DNAH3: variants seen among roughly 807,000 people sequenced by gnomAD.
DNAH3 encodes the protein axonemal beta dynein heavy chain 3.
DNAH3 carries 332 observed loss-of-function variants against 432.5 expected under a neutral mutation model. That is an observed-to-expected ratio of 0.77 (90% confidence interval 0.70 to 0.84). The LOEUF is 0.84. Among genes scored for constraint, DNAH3 ranks in the 40% least tolerant of loss-of-function variants. The pLI, the probability that DNAH3 is intolerant of heterozygous loss-of-function variation, is 0.00. For missense variants in DNAH3, 4,861 were observed against 5,114.0 expected (o/e 0.95, Z 1.51); for synonymous variants, 1,956 against 1,900.2 (o/e 1.03, Z -0.76).
chr16:20,946,773 C>T (rs367820734), intron 57 of DNAH3, among the ~76,000 whole-genome samples: 1 of 151,548 alleles, frequency 6.6e-6, no homozygotes, highest in East Asian at 1.9e-4. Flanking sequence ...TTTTACCTGC[C>T]CCCAAGCAAG....
At chr16:21,085,527 C>CAAA (rs34136946) in intron 19 of DNAH3, among the ~76,000 whole-genome samples, 12 of 81,300 alleles carry the variant, frequency 1.5e-4, no homozygotes, top group African/African-American at 1.9e-4. Context: ...GATTCCACCT[C>CAAA]AAAAAAAAAA....
intron 59 of DNAH3, among the ~76,000 whole-genome samples, chr16:20,938,606 G>A (rs1040472128): frequency 2.8e-5 from 4 of 144,024 alleles, no homozygotes; most frequent in African/African-American, 1.0e-4. Context: ...CACAGTCACA[G>A]TTCCCCTGAA....
intron 26 of DNAH3, among the ~76,000 whole-genome samples, chr16:21,059,035 G>T (rs2090243485): frequency 6.6e-6 from 1 of 151,976 alleles, no homozygotes; most frequent in Non-Finnish European, 1.5e-5. Flanking sequence ...TTAAAAAAAA[G>T]AAATACAGCC....
At chr16:21,089,809 G>T (rs2091478628) in intron 18 of DNAH3, among the ~76,000 whole-genome samples, 1 of 148,376 alleles carries the variant, frequency 6.7e-6, no homozygotes, top group South Asian at 2.1e-4. Flanking sequence ...GGAAGGAAAT[G>T]ATAAAAATAA....
exon 43 of DNAH3, chr16:21,000,230 A>C (rs756319003): frequency 1.9e-6 from 3 of 1,613,210 alleles, no homozygotes; most frequent in South Asian, 1.1e-5. Flanking sequence ...TTACCCACAA[A>C]CACCACTGCT....
chr16:21,081,534 G>A (rs2091185239), intron 20 of DNAH3, 102 bp downstream of exon 20: 3 of 884,658 alleles, frequency 3.4e-6, no homozygotes, highest in Non-Finnish European at 5.2e-6. Flanking sequence ...ACGCCACAAG[G>A]AAAAAAAAAC....
intron 45 of DNAH3, 33 bp from the exon 46 acceptor site, chr16:20,987,882 G>C: frequency 6.2e-7 from 1 of 1,614,028 alleles, no homozygotes; most frequent in Non-Finnish European, 8.5e-7. Context: ...AGTAGTCAAG[G>C]AGGGGCCAGA....
chr16:20,936,794 A>T, exon 60 of DNAH3: 1 of 1,613,588 alleles, frequency 6.2e-7, no homozygotes, highest in Non-Finnish European at 8.5e-7. Flanking sequence ...GGACATCAGG[A>T]CCTGTCCTTT....
exon 42 of DNAH3, chr16:21,003,128 C>T (rs1380655419): frequency 6.2e-7 from 1 of 1,612,048 alleles, no homozygotes; most frequent in East Asian, 2.2e-5. Flanking sequence ...GAACTTTTTC[C>T]TCCTCTTTGG....
chr16:21,036,753 T>A lies in DNAH3; in HGVS notation c.5046A>T (p.Lys1682Asn), dbSNP rs111792427. 5.6e-5 allele frequency: 90 copies of A among 1,614,024 alleles called. 1 individual carries two copies. The African/African-American group carries it at 1.1e-3, about 19-fold the overall frequency. ...CTATAAACCAAGGTACTGGCTGGAG[T>A]TTCATCTTTTTGATGTTATCATTCA... Residue 1682 changes from lysine to asparagine, a missense_variant, in exon 35 of 62, where the codon AAA (lysine) becomes AAT (asparagine). Transcript: ENST00000261383.
At chr16:21,153,683 A>C (rs1005500054) in intron 1 of DNAH3, among the ~76,000 whole-genome samples, 3 of 152,144 alleles carry the variant, frequency 2.0e-5, no homozygotes, top group African/African-American at 4.8e-5. Flanking sequence ...CCAGAAACCC[A>C]CCAGAAGGAA....
At chr16:21,137,677 C>T (rs763400348) in intron 5 of DNAH3, among the ~76,000 whole-genome samples, 10 of 151,958 alleles carry the variant, frequency 6.6e-5, no homozygotes, top group Admixed American at 2.0e-4. Flanking sequence ...CCCACCTTGG[C>T]CTCCCAAAGT....
chr16:20,938,022 T>A (rs1375509530), intron 59 of DNAH3, among the ~76,000 whole-genome samples: 3 of 152,182 alleles, frequency 2.0e-5, no homozygotes, highest in Non-Finnish European at 2.9e-5. Context: ...CTTTATGGAA[T>A]CTCAACTGAA....
exon 60 of DNAH3, chr16:20,936,756 T>C (rs989995632): frequency 2.5e-6 from 4 of 1,613,234 alleles, no homozygotes; most frequent in South Asian, 2.2e-5. Context: ...CCCACAAGCA[T>C]GCTGTTAAAG....
At chr16:21,150,330 C>CT (rs1317938034) in intron 1 of DNAH3, 1 of 454,330 alleles carries the variant, frequency 2.2e-6, no homozygotes, top group Non-Finnish European at 4.4e-6. Context: ...GGTGTCCACT[C>CT]TAATTGTAGC....
chr16:20,964,920 C>T lies in DNAH3; in HGVS notation c.8964G>A (p.Leu2988=), dbSNP rs761376598. 1.9e-5 allele frequency: 31 copies of T among 1,614,156 alleles called. No individual in the cohort carries two copies. In the South Asian group the frequency reaches 2.7e-4, roughly 14 times the overall value. ...CAGTCAGATTAGTATAGCGGATCCC[C>T]AGCTGTCGGGCAGCTTCGGTCCATC... The change falls in exon 53 of 62, where the codon CTG becomes CTA. Residue 2988 remains leucine (L), a synonymous_variant. Transcript: ENST00000261383.
At chr16:20,933,457 G>A in exon 62 of DNAH3, 1 of 1,613,062 alleles carries the variant, frequency 6.2e-7, no homozygotes, top group Middle Eastern at 1.7e-4. Flanking sequence ...GCCCTTTGAT[G>A]TAGGCCCCAT....
chr16:20,985,664 T>C, exon 48 of DNAH3: 1 of 1,614,202 alleles, frequency 6.2e-7, no homozygotes, highest in African/African-American at 1.3e-5. Context: ...AAGAAGAGGC[T>C]TCGAATGTTA....
chr16:20,939,741 G>T (rs1038916889), intron 59 of DNAH3, among the ~76,000 whole-genome samples: 31 of 152,106 alleles, frequency 2.0e-4, no homozygotes, highest in African/African-American at 7.0e-4. Context: ...CAATGACACA[G>T]AATAGAGGCA....
Sources: allele counts gnomAD v4.1 joint callset (sites outside exome capture counted in the v4.1 genomes callset), GRCh38; gene constraint gnomAD v4.1.1; transcripts MANE v1.5; gene names NCBI Gene and HGNC (gene_info 2026-07-23, HGNC 2026-07-21).